Variants in RABGGTB observed in about 807,000 individuals in gnomAD.
The protein encoded by RABGGTB is geranylgeranyl transferase type-2 subunit beta.
In RABGGTB, 20 loss-of-function variants were observed where a neutral mutation model predicts 44.5. The observed-to-expected ratio is 0.45, with a 90% CI of 0.32 to 0.65. The LOEUF (loss-of-function observed/expected upper bound fraction) is 0.65, where lower values mean the gene tolerates loss of function less well. Ranked by LOEUF, RABGGTB falls within the 30% of genes least tolerant of loss-of-function variation. The pLI is 0.05. For synonymous variants in RABGGTB, 128 were observed against 136.7 expected (o/e 0.94, Z 0.44); for missense variants, 302 against 398.7 (o/e 0.76, Z 2.06).
At position 75,787,564 on chromosome 1, in the gene RABGGTB, C is replaced by G. The variant is rs1457120907; in HGVS notation, c.71C>G (p.Ala24Gly). Residue 24 changes from alanine to glycine, a missense_variant, in exon 2 of 9, where the codon GCA becomes GGA. Coordinates refer to ENST00000319942, the MANE Select transcript of RABGGTB (RefSeq NM_004582.4). ...GACACTTTGTTATTGGAGAAACATG[C>G]AGATTATATCGCATCCTATGGCTCA... ...APDTLLLEKH[A>G]DYIASYGSKK... 29 of 1,613,574 alleles carry G rather than the reference C, an allele frequency of 1.8e-5. No individual in the cohort carries two copies. Among genetic ancestry groups the G allele is most frequent in the Non-Finnish European group, 2.4e-5 (28 of 1,179,686 alleles).
intron 1 of RABGGTB, 140 bp downstream of exon 1, chr1:75,786,414 G>A: frequency 8.1e-7 from 1 of 1,240,912 alleles, no homozygotes; most frequent in South Asian, 1.2e-5. Flanking sequence ...GGTTTTTTGA[G>A]TGTGAAATAT....
Position 75,794,517 on chromosome 1 carries a change from C to T in RABGGTB, c.863C>T (p.Pro288Leu), listed in dbSNP as rs755617966. Residue 288 changes from proline to leucine, a missense_variant, in exon 9 of 9, where the codon CCT becomes CTT. Around this residue, in one of 2 missense-constraint regions of RABGGTB, gnomAD observed 213 missense variants for 323.7 expected, o/e 0.66. Coordinates refer to ENST00000319942, the MANE Select transcript of RABGGTB (RefSeq NM_004582.4). ...FADRPGDMVD[P>L]FHTLFGIAGL... The stretch of plus-strand genomic sequence containing the variant: ...AAATTCTTTTTTAAATAGGTGGATC[C>T]TTTTCATACCTTATTTGGAATTGCT... 3 of 1,609,412 alleles carry T rather than the reference C, an allele frequency of 1.9e-6. No homozygotes were observed. The highest frequency in any genetic ancestry group is 2.5e-6 in the Non-Finnish European group (3 of 1,177,562).
chr1:75,793,958 C>A, intron 7 of RABGGTB, 126 bp from the exon 8 acceptor site: 7 of 992,216 alleles, frequency 7.1e-6, no homozygotes, highest in South Asian at 2.2e-5. Context: ...GGATTTCGTC[C>A]TTCCACATGG....
chr1:75,790,526 A>G (rs1195071682), intron 4 of RABGGTB: 11 of 984,576 alleles, frequency 1.1e-5, no homozygotes, highest in Non-Finnish European at 1.2e-5. Flanking sequence ...GGGTAAGTTT[A>G]TTTCATTATT....
At chr1:75,794,413 C>A in intron 8 of RABGGTB, 97 bp from the exon 9 acceptor site, 1 of 1,359,956 alleles carries the variant, frequency 7.4e-7, no homozygotes, top group Non-Finnish European at 1.0e-6. Context: ...TCGCTTGTTG[C>A]TAACAAAATT....
Position 75,787,790 on chromosome 1 carries a change from A to C in RABGGTB, c.111+186A>C, listed in dbSNP as rs958991712. On this transcript the variant is annotated intron_variant, in intron 2 of 8. Coordinates refer to ENST00000319942, the MANE Select transcript of RABGGTB (RefSeq NM_004582.4). ...GAGGCTGTGGGCTTATTAGAATCTC[A>C]GTTTTTACCTATACTGAGAGGGCTT... 6.5e-5 allele frequency: 43 copies of C among 664,166 alleles called. 1 individual carries two copies. The highest frequency in any genetic ancestry group is 6.2e-4 in the South Asian group (37 of 59,560). 41.1% of individuals were successfully genotyped at this position (664,166 alleles called of 1,614,324 possible).
chr1:75,786,370 G>T, intron 1 of RABGGTB, 96 bp downstream of exon 1: 1 of 1,531,388 alleles, frequency 6.5e-7, no homozygotes, highest in Non-Finnish European at 9.1e-7. Flanking sequence ...TGGTTTCCTG[G>T]TGCTGGAGAA....
chr1:75,787,393 A>G, intron 1 of RABGGTB, 104 bp from the exon 2 acceptor site: 1 of 857,196 alleles, frequency 1.2e-6, no homozygotes, highest in East Asian at 2.6e-5. Flanking sequence ...TCCTATTACA[A>G]GATGAAATCA....
chr1:75,791,850 TA>T (rs5775307), intron 6 of RABGGTB: 260,881 of 285,138 alleles, frequency 0.91, 118,455 homozygotes, highest in Admixed American at 0.95. Flanking sequence ...ACCATACAGA[TA>T]AAAAAAAAAA....
At chr1:75,791,604 C>A in intron 6 of RABGGTB, 33 bp downstream of exon 6, 2 of 1,528,158 alleles carry the variant, frequency 1.3e-6, no homozygotes, top group South Asian at 2.4e-5. Context: ...AATGTATTGT[C>A]ATTTTGGAAG....
At position 75,794,207 on chromosome 1, in the gene RABGGTB, G is replaced by A. The variant is rs751104630; in HGVS notation, c.829G>A (p.Gly277Arg). The A allele has an allele frequency of 6.2e-7, 1 of 1,612,910 alleles. No homozygotes were observed. The highest frequency in any genetic ancestry group is 1.3e-5 in the African/African-American group (1 of 74,858). Residue 277 changes from glycine to arginine, a missense_variant, in exon 8 of 9, where the codon GGA becomes AGA. Gly to Arg is a moderately radical substitution (Grantham distance 125). Transcript: ENST00000319942. ...ILACQDEETG[G>R]FADRPGDMVD... ...AGCATGTCAAGATGAAGAAACGGGG[G>A]GATTTGCAGACAGGCCAGGAGATAT...
At position 75,790,150 on chromosome 1, in the gene RABGGTB, A is replaced by G. The variant is rs776245748; in HGVS notation, c.415+93A>G. On this transcript the variant is annotated intron_variant, in intron 4 of 8. Transcript: ENST00000319942. The stretch of plus-strand genomic sequence containing the variant: ...CAGTTTATAAGTTTTTCATCTTTTC[A>G]GGTCCCACTAAGCAGCTGGTCTAAC... The G allele has an allele frequency of 7.7e-6, 12 of 1,560,496 alleles. No individual in the cohort carries two copies. The South Asian group carries it at 1.2e-4, about 16-fold the overall frequency.
rs35837562 is a variant in RABGGTB, at chr1:75,791,389, ATTT to A, written c.469-60_469-58del. ...GATTAAAGTTCATGAATACTCTGGA[ATTT>A]TTTTTTTTTTTGAGTCTGATCTGCT... is the stretch of plus-strand genomic sequence containing the variant. On this transcript the variant is annotated intron_variant, in intron 5 of 8. Transcript: ENST00000319942. 36 of 1,383,362 alleles carry A rather than the reference ATTT, an allele frequency of 2.6e-5. 1 individual carries two copies. In the African/African-American group the frequency reaches 2.9e-4, roughly 11 times the overall value. 85.7% of individuals were successfully genotyped at this position (1,383,362 alleles called of 1,614,324 possible).
chr1:75,790,697 C>G (rs553584423), intron 4 of RABGGTB, among the ~76,000 whole-genome samples: 4 of 152,078 alleles, frequency 2.6e-5, no homozygotes, highest in Non-Finnish European at 1.5e-5. Context: ...GAGACAGTTG[C>G]TGGGGCTGGA....
chr1:75,789,070 C>T (rs1268843596), intron 2 of RABGGTB, 89 bp from the exon 3 acceptor site: 2 of 1,204,918 alleles, frequency 1.7e-6, no homozygotes, highest in Non-Finnish European at 2.4e-6. Flanking sequence ...AAAATAGCAG[C>T]ATGGCTAATG....
Position 75,789,774 on chromosome 1 carries a change from AT to A in RABGGTB, c.310-175del, listed in dbSNP as rs548309255. 1,223 of 589,648 alleles carry A rather than the reference AT, an allele frequency of 2.1e-3. 3 individuals carry two copies. Among genetic ancestry groups the A allele is most frequent in the Non-Finnish European group, 3.2e-3 (1,089 of 337,686 alleles). 36.5% of individuals were successfully genotyped at this position (589,648 alleles called of 1,614,324 possible). On this transcript the variant is annotated intron_variant, in intron 3 of 8. Coordinates refer to ENST00000319942, the MANE Select transcript of RABGGTB (RefSeq NM_004582.4). The stretch of plus-strand genomic sequence containing the variant: ...ATATGTAGAAAATTATACTTTAAAG[AT>A]TTGAGTTTTCTTGATACTATCTAAT...
Position 75,794,525 on chromosome 1 carries a change from A to T in RABGGTB, c.871A>T (p.Thr291Ser), listed in dbSNP as rs779622348. 6.2e-7 allele frequency: 1 copy of T among 1,611,210 alleles called. No homozygotes were observed. Among genetic ancestry groups the T allele is most frequent in the Non-Finnish European group, 8.5e-7 (1 of 1,178,442 alleles). The change falls in exon 9 of 9, where the codon ACC becomes TCC. Residue 291 changes from threonine to serine, a missense_variant. Coordinates refer to ENST00000319942, the MANE Select transcript of RABGGTB (RefSeq NM_004582.4). ...RPGDMVDPFH[T>S]LFGIAGLSLL... ...TTTTAAATAGGTGGATCCTTTTCAT[A>T]CCTTATTTGGAATTGCTGGATTGTC...
chr1:75,790,526 A>C (rs1195071682), intron 4 of RABGGTB: 3 of 984,694 alleles, frequency 3.0e-6, no homozygotes, highest in Non-Finnish European at 3.6e-6. Context: ...GGGTAAGTTT[A>C]TTTCATTATT....
intron 2 of RABGGTB, 185 bp downstream of exon 2, chr1:75,787,789 C>T (rs1253518527): frequency 2.0e-5 from 13 of 662,522 alleles, no homozygotes; most frequent in Non-Finnish European, 3.0e-5. Flanking sequence ...ATTAGAATCT[C>T]AGTTTTTACC....
Sources: gnomAD v4.1 joint callset for allele counts (sites outside exome capture counted in the v4.1 genomes callset) on GRCh38, gnomAD v4.1.1 for gene constraint, gnomAD v4.1.1 regional missense constraint, MANE v1.5 for transcripts, NCBI Gene and HGNC (gene_info 2026-07-23, HGNC 2026-07-21) for gene names.